The following CAPRIN1 variants were observed in gnomAD, a reference collection of about 807,000 sequenced individuals.
CAPRIN1 encodes cell cycle associated protein 1.
A neutral mutation model predicts 100.9 loss-of-function variants in CAPRIN1; 29 were observed. That is an observed-to-expected ratio of 0.29 (90% confidence interval 0.21 to 0.39). The LOEUF is 0.39. Ranked by LOEUF, CAPRIN1 falls within the 10% of genes least tolerant of loss-of-function variation. The pLI is 1.00. For missense variants in CAPRIN1, 795 were observed against 876.7 expected, an observed-to-expected ratio of 0.91 and a Z score of 1.18; for synonymous variants, 338 against 307.5, an observed-to-expected ratio of 1.10 and a Z score of -1.04.
At chr11:34,057,857 T>G (rs1850485517) in intron 2 of CAPRIN1, among the ~76,000 whole-genome samples, 1 of 152,084 alleles carries the variant, frequency 6.6e-6, no homozygotes, top group African/African-American at 2.4e-5. Context: ...TAGCTGGGAT[T>G]ACAGGCGCCC....
intron 9 of CAPRIN1, among the ~76,000 whole-genome samples, chr11:34,084,808 CATAGA>C (rs1851106652): frequency 6.6e-6 from 1 of 152,094 alleles, no homozygotes; most frequent in African/African-American, 2.4e-5. Flanking sequence ...TTTTATTGAA[CATAGA>C]ATGCAAGGTA....
At chr11:34,097,365 C>T (rs1851387873) in intron 17 of CAPRIN1, 69 bp downstream of exon 17, 1 of 1,233,284 alleles carries the variant, frequency 8.1e-7, no homozygotes, top group Admixed American at 1.8e-5. Flanking sequence ...AGTGTTGTTG[C>T]TTAATGAACC....
At chr11:34,052,243 T>TCGCGCG (rs139830067) in intron 1 of CAPRIN1, 178 bp from the exon 2 acceptor site, 25 of 280,208 alleles carry the variant, frequency 8.9e-5, no homozygotes, top group Non-Finnish European at 1.3e-4. Flanking sequence ...CGCTGGCGGG[T>TCGCGCG]CGCGCGCGCG....
At chr11:34,097,969 C>T in intron 18 of CAPRIN1, 2 of 1,309,922 alleles carry the variant, frequency 1.5e-6, no homozygotes, top group South Asian at 4.5e-5. Context: ...ACTATATAAA[C>T]TGTCTTGAAA....
At chr11:34,073,516 C>T (rs909978789) in intron 4 of CAPRIN1, among the ~76,000 whole-genome samples, 2 of 152,084 alleles carry the variant, frequency 1.3e-5, no homozygotes, top group South Asian at 2.1e-4. Flanking sequence ...AGTGCAGTGC[C>T]GCTGTCTCAG....
At chr11:34,078,932 T>C (rs1233801858) in intron 6 of CAPRIN1, among the ~76,000 whole-genome samples, 4 of 152,252 alleles carry the variant, frequency 2.6e-5, no homozygotes, top group Admixed American at 6.5e-5. Flanking sequence ...TTTGTAGTTG[T>C]ATTTGATACC....
intron 2 of CAPRIN1, among the ~76,000 whole-genome samples, chr11:34,060,195 CAAAAAAAA>C (rs1175800677): frequency 2.5e-5 from 1 of 40,478 alleles, no homozygotes; most frequent in African/African-American, 9.4e-5. Context: ...TACTCCATCT[CAAAAAAAA>C]AAAAAAAAAA....
intron 4 of CAPRIN1, among the ~76,000 whole-genome samples, chr11:34,074,863 T>TC (rs1287096814): frequency 6.6e-6 from 1 of 151,280 alleles, no homozygotes; most frequent in Non-Finnish European, 1.5e-5. Context: ...AGAGTGAGAC[T>TC]CCATCTCAAA....
In CAPRIN1 at chr11:34,090,516, A is replaced by G; in HGVS notation, c.1405-13A>G. 1 of 1,608,206 alleles carries G rather than the reference A, an allele frequency of 6.2e-7. No homozygotes were observed. The highest frequency in any genetic ancestry group is 1.3e-5 in the African/African-American group (1 of 74,952). ...GTTTACCGCTAAAGTGCATCTATTC[A>G]CTTTGTGTTTAGGCAACAATCTCTT... On this transcript the variant is annotated splice_polypyrimidine_tract_variant and intron_variant, in intron 13 of 18. Transcript: ENST00000341394.
chr11:34,084,235 T>G (rs750401698), intron 9 of CAPRIN1, among the ~76,000 whole-genome samples: 13 of 152,024 alleles, frequency 8.6e-5, no homozygotes, highest in Admixed American at 3.3e-4. Flanking sequence ...ATTACAGTCA[T>G]GAGCCACTGC....
At chr11:34,081,729 C>G (rs983211535) in intron 7 of CAPRIN1, among the ~76,000 whole-genome samples, 1 of 152,142 alleles carries the variant, frequency 6.6e-6, no homozygotes, top group Non-Finnish European at 1.5e-5. Context: ...AACTCCTGAC[C>G]TCAAGTGATC....
At chr11:34,079,512 T>G (rs1850968873) in intron 6 of CAPRIN1, 116 bp from the exon 7 acceptor site, 1 of 696,856 alleles carries the variant, frequency 1.4e-6, no homozygotes, top group Non-Finnish European at 2.4e-6. Flanking sequence ...TTTATGTGTA[T>G]ATGTGTTTTA....
At position 34,059,458 on chromosome 11, in the gene CAPRIN1, C is replaced by T. The variant is rs112440865; in HGVS notation, c.216+6822C>T. On this transcript the variant is annotated intron_variant, in intron 2 of 18. Transcript: ENST00000341394. The stretch of plus-strand genomic sequence containing the variant: ...TAATTTTTTGTATTTTTAGTAGAGA[C>T]GGGGTTTCGCCATGTTGGCCATGCT... Among the ~76,000 whole-genome samples the T allele has an allele frequency of 2.8e-3, 425 of 152,090 alleles. 3 individuals are homozygous for T. Among genetic ancestry groups the T allele is most frequent in the African/African-American group, 9.4e-3 (390 of 41,464 alleles).
chr11:34,079,834 A>G, intron 7 of CAPRIN1, 69 bp downstream of exon 7: 1 of 1,442,812 alleles, frequency 6.9e-7, no homozygotes, highest in South Asian at 1.3e-5. Context: ...ACAAATTTAA[A>G]CTATACACTT....
At chr11:34,076,207 T>C (rs777484454) in intron 4 of CAPRIN1, 29 bp from the exon 5 acceptor site, 2 of 1,522,070 alleles carry the variant, frequency 1.3e-6, no homozygotes, top group Non-Finnish European at 9.1e-7. Flanking sequence ...TAACTAATTT[T>C]GGTGTTTTAC....
rs375922607 is a variant in CAPRIN1, at chr11:34,089,387, C to T, written c.1232-8C>T. 13 of 1,585,388 alleles carry T rather than the reference C, an allele frequency of 8.2e-6. No homozygotes were observed. The highest frequency in any genetic ancestry group is 1.4e-5 in the African/African-American group (1 of 73,344). On this transcript the variant is annotated splice_polypyrimidine_tract_variant and splice_region_variant and intron_variant, in intron 11 of 18. Coordinates refer to ENST00000341394, the MANE Select transcript of CAPRIN1 (RefSeq NM_005898.5). ...TGTTTGACAAAAATGTTTTGGTCAC[C>T]TTTGCAGTTCATTCTGAATCTAGAC...
intron 15 of CAPRIN1, among the ~76,000 whole-genome samples, chr11:34,094,906 G>C (rs970107186): frequency 3.3e-5 from 5 of 152,106 alleles, no homozygotes; most frequent in Non-Finnish European, 7.4e-5. Flanking sequence ...TTTTGAGACA[G>C]AGTCTTGCTC....
At position 34,090,181 on chromosome 11, in the gene CAPRIN1, T is replaced by A; in HGVS notation, c.1296T>A (p.Val432=). 6.3e-7 allele frequency: 1 copy of A among 1,598,220 alleles called. No homozygotes were observed. The highest frequency in any genetic ancestry group is 8.6e-7 in the Non-Finnish European group (1 of 1,166,688). Residue 432 remains valine (V), a splice_region_variant and synonymous_variant, in exon 13 of 19, where the codon GTT becomes GTA. Coordinates refer to ENST00000341394, the MANE Select transcript of CAPRIN1 (RefSeq NM_005898.5). ...TTTATTTCTTTACTTATGTCTAGGT[T>A]CCTTTGGTATCATCCACAAGTGAGG... The part of the protein sequence containing the change: ...QVPVQPEATQ[V]PLVSSTSEGY...
chr11:34,069,914 AAAAAAAAAAAAGAAAAAAC>A (rs1279789432), intron 2 of CAPRIN1, among the ~76,000 whole-genome samples: 1 of 151,520 alleles, frequency 6.6e-6, no homozygotes, highest in East Asian at 1.9e-4. Flanking sequence ...ACCTAAAAAA[AAAAAAAAAAAAGAAAAAAC>A]AAAACTTATT....
Sources: gnomAD v4.1 joint callset for allele counts (sites outside exome capture counted in the v4.1 genomes callset) on GRCh38, gnomAD v4.1.1 for gene constraint, MANE v1.5 for transcripts, NCBI Gene and HGNC (gene_info 2026-07-23, HGNC 2026-07-21) for gene names.